The following ITGB2 variants were observed in gnomAD, a reference collection of about 807,000 sequenced individuals.
ITGB2 encodes the protein integrin subunit beta 2.
Under a neutral mutation model 86.8 loss-of-function variants are expected in ITGB2, and 56 were observed. That is an observed-to-expected ratio of 0.65 (90% CI 0.52 to 0.81). The LOEUF (loss-of-function observed/expected upper bound fraction) is 0.81. Among genes scored for constraint, ITGB2 ranks in the 30% least tolerant of loss-of-function variants. ITGB2 has a pLI of 0.00. For synonymous variants in ITGB2, 457 were observed against 450.4 expected, an observed-to-expected ratio of 1.01 and a Z score of -0.19; for missense variants, 948 against 1,061.2, an observed-to-expected ratio of 0.89 and a Z score of 1.48.
chr21:44,901,415 C>G lies in ITGB2; in HGVS notation c.741+77G>C. ...GACGACCTGCCGGCCAGGGTACCCC[C>G]CTGCCCCCACACAGCGCCTGACAGA... is the stretch of plus-strand genomic sequence containing the variant. On this transcript the variant is annotated intron_variant, in intron 6 of 15. Transcript: ENST00000652462. 3.2e-6 allele frequency: 5 copies of G among 1,553,014 alleles called. No homozygotes were observed. In the South Asian group the frequency reaches 3.5e-5, roughly 11 times the overall value.
chr21:44,918,960 A>G, intron 1 of ITGB2, among the ~76,000 whole-genome samples: 2 of 150,838 alleles, frequency 1.3e-5, no homozygotes, highest in Non-Finnish European at 3.0e-5. Flanking sequence ...CAGCACTCGG[A>G]GCTGAGCGTC....
At chr21:44,893,640 C>A in intron 9 of ITGB2, 96 bp from the exon 10 acceptor site, 3 of 1,481,754 alleles carry the variant, frequency 2.0e-6, no homozygotes, top group Non-Finnish European at 2.8e-6. Context: ...CTTCTCCTCT[C>A]AGTGCAAGTC....
intron 1 of ITGB2, among the ~76,000 whole-genome samples, chr21:44,912,329 T>C (rs1388131528): frequency 6.6e-6 from 1 of 151,900 alleles, no homozygotes; most frequent in Non-Finnish European, 1.5e-5. Context: ...CTGGCTCCCC[T>C]CCATCCCCCG....
chr21:44,897,524 G>A (rs903109870), intron 8 of ITGB2, among the ~76,000 whole-genome samples: 4 of 152,192 alleles, frequency 2.6e-5, no homozygotes, highest in African/African-American at 9.7e-5. Context: ...GCTGCTCTGT[G>A]AATTCCCTGA....
chr21:44,908,639 C>T (rs998857021), intron 3 of ITGB2, among the ~76,000 whole-genome samples: 1 of 152,056 alleles, frequency 6.6e-6, no homozygotes, highest in Non-Finnish European at 1.5e-5. Context: ...GCTCTTAAGA[C>T]GCAAGTCTGC....
chr21:44,903,104 A>C (rs1251934032), intron 5 of ITGB2, among the ~76,000 whole-genome samples: 1 of 152,222 alleles, frequency 6.6e-6, no homozygotes, highest in East Asian at 1.9e-4. Context: ...CATACCAAGA[A>C]ATAAATAAAG....
chr21:44,922,718 A>C (rs544327088), upstream of ITGB2, among the ~76,000 whole-genome samples: 8 of 152,224 alleles, frequency 5.3e-5, no homozygotes, highest in South Asian at 6.2e-4. Context: ...AAAATAGAAC[A>C]AACAAGAAAG....
intron 3 of ITGB2, among the ~76,000 whole-genome samples, chr21:44,907,797 G>C (rs2084066000): frequency 6.6e-6 from 1 of 152,244 alleles, no homozygotes. Flanking sequence ...CCAGAGGCTG[G>C]TGAGTCCCGC....
chr21:44,887,005 G>A lies in ITGB2; in HGVS notation c.2081-103C>T, dbSNP rs73239711. Reference sequence around the variant, plus strand: ...CCCACAACACAGCACTTAGAGAGACGGAGGTTCCCAGGGCCCCGGCTCACC... The same window carrying A: ...CCCACAACACAGCACTTAGAGAGACAGAGGTTCCCAGGGCCCCGGCTCACC... On this transcript the variant is annotated intron_variant, in intron 14 of 15. Coordinates refer to ENST00000652462, the MANE Select transcript of ITGB2 (RefSeq NM_000211.5). 6,574 of 1,439,012 alleles carry A rather than the reference G, an allele frequency of 4.6e-3. 26 individuals carry two copies. The highest frequency in any genetic ancestry group is 5.7e-3 in the Non-Finnish European group (5,974 of 1,046,020). The allele number at this position is 1,439,012 out of a possible 1,614,324, so 89.1% of individuals were successfully genotyped here. A position where few individuals can be genotyped will look rare whatever the true frequency, so the allele number is the denominator to read the frequency against.
intron 9 of ITGB2, chr21:44,893,948 A>AAAC: frequency 3.1e-6 from 1 of 327,088 alleles, no homozygotes; most frequent in Non-Finnish European, 6.1e-6. Context: ...AGATGGAGAG[A>AAAC]AACAGAGAGA....
At chr21:44,888,387 C>T (rs1011127953) in intron 14 of ITGB2, among the ~76,000 whole-genome samples, 3 of 152,262 alleles carry the variant, frequency 2.0e-5, no homozygotes, top group Non-Finnish European at 4.4e-5. Flanking sequence ...GGGAGATGGC[C>T]CGGGCCGTGT....
intron 4 of ITGB2, among the ~76,000 whole-genome samples, chr21:44,904,883 C>T (rs1341712024): frequency 1.3e-5 from 2 of 152,214 alleles, no homozygotes. Flanking sequence ...CACTCACCCA[C>T]ATTCACACCC....
rs556234641 is a variant in ITGB2 at position 44,911,202 on chromosome 21, A to G, written c.-3-417T>C. ...TCACACCACACATATGTACACACAG[A>G]GATGTATACACCCCTTACCCACACC... On this transcript the variant is annotated intron_variant, in intron 1 of 15. Transcript: ENST00000652462. 3.1e-5 allele frequency: 10 copies of G among 317,476 alleles called. No individual in the cohort carries two copies. The East Asian group carries it at 7.5e-4, about 24-fold the overall frequency. The allele number at this position is 317,476 out of a possible 1,614,324, so 19.7% of individuals were successfully genotyped here.
At chr21:44,901,969 T>C in intron 5 of ITGB2, 1 of 567,792 alleles carries the variant, frequency 1.8e-6, no homozygotes, top group African/African-American at 1.9e-5. Context: ...TGAGCATAAG[T>C]GTATGCATGT....
rs1490939545 is a variant in ITGB2, at chr21:44,901,636, C to T, written c.597G>A (p.Gln199=). 6.2e-7 allele frequency: 1 copy of T among 1,614,276 alleles called. No homozygotes were observed. The part of the protein sequence containing the change: ...NPCPNKEKEC[Q]PPFAFRHVLK... ...GCACGTGCCTGAAGGCAAACGGGGG[C>T]TGGCACTCTTTCTCCTTGTTGGGGC... The change falls in exon 6 of 16, where the codon CAG becomes CAA. Residue 199 remains glutamine, a synonymous_variant. Coordinates refer to ENST00000652462, the MANE Select transcript of ITGB2 (RefSeq NM_000211.5).
chr21:44,905,040 C>T (rs751602211), intron 4 of ITGB2, among the ~76,000 whole-genome samples: 1 of 152,224 alleles, frequency 6.6e-6, no homozygotes, highest in Non-Finnish European at 1.5e-5. Flanking sequence ...GCGTCTGCAG[C>T]GACATGGAGG....
upstream of ITGB2, among the ~76,000 whole-genome samples, chr21:44,921,990 C>T (rs999508461): frequency 1.2e-4 from 19 of 152,236 alleles, no homozygotes; most frequent in African/African-American, 4.6e-4. Context: ...TTCCAAAGTG[C>T]TGGGATTACT....
At chr21:44,920,273 C>A (rs887776399) in intron 1 of ITGB2, among the ~76,000 whole-genome samples, 1 of 152,072 alleles carries the variant, frequency 6.6e-6, no homozygotes, top group Non-Finnish European at 1.5e-5. Flanking sequence ...ATGCCACACA[C>A]GTGCACCATA....
intron 9 of ITGB2, 43 bp downstream of exon 9, chr21:44,894,928 T>C (rs1568886179): frequency 7.4e-7 from 1 of 1,355,906 alleles, no homozygotes. Context: ...GGGAGATTGC[T>C]GGCCACCCCA....
Sources: allele counts gnomAD v4.1 joint callset (sites outside exome capture counted in the v4.1 genomes callset), GRCh38; gene constraint gnomAD v4.1.1; transcripts MANE v1.5; gene names NCBI Gene and HGNC (gene_info 2026-07-23, HGNC 2026-07-21).